The following SLC7A13 variants were observed in gnomAD, a reference collection of about 807,000 sequenced individuals.
SLC7A13 encodes X-amino acid transporter 2.
SLC7A13 carries 31 observed loss-of-function variants against 32.0 expected under a neutral mutation model. The ratio of observed to expected loss-of-function variants is 0.97; its 90% CI spans 0.73 to 1.31. The LOEUF (loss-of-function observed/expected upper bound fraction) is 1.31, where lower values mean the gene tolerates loss of function less well. SLC7A13 is among the 50% of genes most tolerant of loss of function. The pLI, the probability that SLC7A13 is intolerant of heterozygous loss-of-function variation, is 0.00. For synonymous variants in SLC7A13, 232 were observed against 206.9 expected (o/e 1.12, Z -1.04); for missense variants, 633 against 546.9 (o/e 1.16, Z -1.57).
chr8:86,219,393 G>A (rs960672536), intron 2 of SLC7A13, among the ~76,000 whole-genome samples: 10 of 152,070 alleles, frequency 6.6e-5, no homozygotes, highest in Non-Finnish European at 1.3e-4. Flanking sequence ...ATGCCACAAG[G>A]GATGTTTTTT....
At chr8:86,226,683 A>AT (rs1260790410) in intron 1 of SLC7A13, among the ~76,000 whole-genome samples, 2 of 151,978 alleles carry the variant, frequency 1.3e-5, no homozygotes, top group Non-Finnish European at 2.9e-5. Context: ...AATCCTATGT[A>AT]TTTTGTCCTT....
chr8:86,219,649 G>T (rs1261370375), intron 2 of SLC7A13, among the ~76,000 whole-genome samples: 1 of 152,124 alleles, frequency 6.6e-6, no homozygotes, highest in African/African-American at 2.4e-5. Flanking sequence ...GCATGTATTT[G>T]TATGCTCACT....
In SLC7A13 at chr8:86,214,493, T is replaced by C. The variant is rs781490293; in HGVS notation, c.1333A>G (p.Arg445Gly). Reference sequence around the variant, plus strand: ...GTCATCTTCTCAAACCAAGCCAATCTTATTTTAAAATGTATTAAAGGTATG... The same window carrying C: ...GTCATCTTCTCAAACCAAGCCAATCCTATTTTAAAATGTATTAAAGGTATG... ...FYIPLIHFKIRLAWFEKMTCY... is the reference protein window; with the variant it reads ...FYIPLIHFKIGLAWFEKMTCY... Residue 445 changes from arginine (R) to glycine (G), a missense_variant, in exon 4 of 4, where the codon AGA becomes GGA. Arg to Gly is a moderately radical substitution (Grantham distance 125). Transcript: ENST00000297524. 3 of 1,612,584 alleles carry C rather than the reference T, an allele frequency of 1.9e-6. No individual in the cohort carries two copies. Among genetic ancestry groups the C allele is most frequent in the Non-Finnish European group, 1.7e-6 (2 of 1,179,220 alleles).
Position 86,229,781 on chromosome 8 carries a change from A to G in SLC7A13, c.497T>C (p.Leu166Pro). The change falls in exon 1 of 4, where the codon CTG (leucine) becomes CCG (proline). Residue 166 changes from leucine (L) to proline (P), a missense_variant. Transcript: ENST00000297524. Reference sequence around the variant, plus strand: ...AATGAAGCTAAGTATGGACACTTTCAGCACTGAGCTAGCTATCTGAAGCCA... The same window carrying G: ...AATGAAGCTAAGTATGGACACTTTCGGCACTGAGCTAGCTATCTGAAGCCA... ...VTWLQIASSV[L>P]KVSILSFISL... The G allele has an allele frequency of 1.2e-6, 2 of 1,614,244 alleles. No individual in the cohort carries two copies. The highest frequency in any genetic ancestry group is 1.7e-6 in the Non-Finnish European group (2 of 1,180,036).
rs549857008 is a variant in SLC7A13 at position 86,221,866 on chromosome 8, A to G, written c.817+1106T>C. Among the ~76,000 whole-genome samples the G allele has an allele frequency of 1.6e-4, 24 of 152,294 alleles. No homozygotes were observed. The South Asian group carries it at 4.6e-3, about 29-fold the overall frequency. ...GTAGTCATAACAGACGCCAGCTTCA[A>G]TGAACCGTAACAATGGTGCTAGCTG... On this transcript the variant is annotated intron_variant, in intron 2 of 3. Transcript: ENST00000297524.
At position 86,230,104 on chromosome 8, in the gene SLC7A13, T is replaced by G; in HGVS notation, c.174A>C (p.Ile58=). The G allele has an allele frequency of 6.2e-7, 1 of 1,614,134 alleles. No homozygotes were observed. Among genetic ancestry groups the G allele is most frequent in the Non-Finnish European group, 8.5e-7 (1 of 1,180,020 alleles). The part of the protein sequence containing the change: ...VSLCVWAGCA[I]LAMTSTLCSA... ...AGCAAAGAGTTGATGTCATGGCCAGTATGGCACAGCCAGCCCAAACGCACA... is the reference window on the plus strand; with the variant it reads ...AGCAAAGAGTTGATGTCATGGCCAGGATGGCACAGCCAGCCCAAACGCACA... The change falls in exon 1 of 4, where the codon ATA becomes ATC. Residue 58 remains isoleucine, a synonymous_variant. Coordinates refer to ENST00000297524, the MANE Select transcript of SLC7A13 (RefSeq NM_138817.3).
In SLC7A13 at chr8:86,214,660, A is replaced by G; in HGVS notation, c.1180-14T>C. 1.3e-5 allele frequency: 21 copies of G among 1,581,586 alleles called. No individual in the cohort carries two copies. Among genetic ancestry groups the G allele is most frequent in the Non-Finnish European group, 1.8e-5 (21 of 1,160,790 alleles). ...TGACAAAAACACCTGAAAAGAGCAA[A>G]GTTTGAAAAAATATTGGATATGAAC... On this transcript the variant is annotated splice_polypyrimidine_tract_variant and intron_variant, in intron 3 of 3. Coordinates refer to ENST00000297524, the MANE Select transcript of SLC7A13 (RefSeq NM_138817.3).
At chr8:86,222,570 C>T (rs1820314708) in intron 2 of SLC7A13, among the ~76,000 whole-genome samples, 1 of 151,926 alleles carries the variant, frequency 6.6e-6, no homozygotes, top group Non-Finnish European at 1.5e-5. Flanking sequence ...TTTTAACTGC[C>T]AATATTCTAC....
intron 3 of SLC7A13, 123 bp from the exon 4 acceptor site, chr8:86,214,769 A>G (rs753364147): frequency 2.9e-6 from 2 of 700,126 alleles, no homozygotes; most frequent in Non-Finnish European, 4.7e-6. Flanking sequence ...AATTAGCTGT[A>G]AAGTTGAATA....
At position 86,229,934 on chromosome 8, in the gene SLC7A13, A is replaced by T. The variant is rs778463673; in HGVS notation, c.344T>A (p.Leu115His). ...AAAAGGCTGGATGCTGTACTCAGCAAGGAGCAGAGCTTGGCCAGCAACTAC... is the reference window on the plus strand; with the variant it reads ...AAAAGGCTGGATGCTGTACTCAGCATGGAGCAGAGCTTGGCCAGCAACTAC... ...SGVVAGQALL[L>H]AEYSIQPFFP... Residue 115 changes from leucine to histidine, a missense_variant, in exon 1 of 4, where the codon CTT becomes CAT. Physicochemically the swap from Leu to His is moderately conservative, Grantham distance 99. Coordinates refer to ENST00000297524, the MANE Select transcript of SLC7A13 (RefSeq NM_138817.3). 4.3e-6 allele frequency: 7 copies of T among 1,614,212 alleles called. No homozygotes were observed. Among genetic ancestry groups the T allele is most frequent in the Admixed American group, 1.7e-5 (1 of 60,012 alleles).
chr8:86,221,229 T>C (rs1301146015), intron 2 of SLC7A13, among the ~76,000 whole-genome samples: 5 of 152,090 alleles, frequency 3.3e-5, no homozygotes, highest in Admixed American at 3.3e-4. Context: ...CAAGTATCCA[T>C]CAACAATATC....
intron 2 of SLC7A13, among the ~76,000 whole-genome samples, chr8:86,221,369 C>G (rs1231567822): frequency 3.3e-5 from 5 of 151,958 alleles, no homozygotes; most frequent in Non-Finnish European, 5.9e-5. Flanking sequence ...ATTACTATAC[C>G]TATACATACA....
intron 1 of SLC7A13, among the ~76,000 whole-genome samples, chr8:86,224,425 T>G (rs542339965): frequency 6.6e-6 from 1 of 152,302 alleles, no homozygotes; most frequent in South Asian, 2.1e-4. Flanking sequence ...TATACATTTC[T>G]CATACTGTAT....
chr8:86,214,751 AC>A (rs1820149068), intron 3 of SLC7A13, 105 bp from the exon 4 acceptor site: 2 of 831,756 alleles, frequency 2.4e-6, no homozygotes, highest in Non-Finnish European at 3.7e-6. Context: ...ATTAAAGAAA[AC>A]AGGCTAAATT....
chr8:86,229,725 C>G lies in SLC7A13; in HGVS notation c.553G>C (p.Gly185Arg), dbSNP rs1563592924. 2 of 1,614,048 alleles carry G rather than the reference C, an allele frequency of 1.2e-6. No homozygotes were observed. Among genetic ancestry groups the G allele is most frequent in the Non-Finnish European group, 1.7e-6 (2 of 1,180,036 alleles). ...AATCGTTCTACATTCTCCTTTTTCC[C>G]TCTTATCAGGAACACTACTCCAGTT... is the stretch of plus-strand genomic sequence containing the variant. ...SLTGVVFLIR[G>R]KKENVERFQN... The change falls in exon 1 of 4, where the codon GGG (glycine) becomes CGG (arginine). Residue 185 changes from glycine to arginine, a missense_variant. Transcript: ENST00000297524.
At position 86,214,252 on chromosome 8, in the gene SLC7A13, T is replaced by C. The variant is rs879095211; in HGVS notation, c.*161A>G. On this transcript the variant is annotated 3_prime_UTR_variant, in exon 4 of 4. Transcript: ENST00000297524. ...TCTTAGTGACTCTGAAGCCAGGTAC[T>C]GTCTTAGGCACTTTTGTATACATTA... 2 of 526,062 alleles carry C rather than the reference T, an allele frequency of 3.8e-6. No homozygotes were observed. The highest frequency in any genetic ancestry group is 3.2e-5 in the South Asian group (1 of 31,398). The allele number at this position is 526,062 out of a possible 1,614,324, so 32.6% of individuals were successfully genotyped here.
intron 1 of SLC7A13, among the ~76,000 whole-genome samples, chr8:86,224,469 T>A (rs1820355588): frequency 6.6e-6 from 1 of 152,220 alleles, no homozygotes; most frequent in African/African-American, 2.4e-5. Context: ...TCATAAATTA[T>A]CTCTTCCTGT....
In SLC7A13 at chr8:86,229,593, C is replaced by A; in HGVS notation, c.685G>T (p.Gly229Trp). ...ATTTTTTTCCTCAATGGATTGTTAC[C>A]TGCTATAAGTGTAAAGCATGCCCCG... is the stretch of plus-strand genomic sequence containing the variant. Reference protein sequence around the residue: ...SGGACFTLIAGELKKPRTTIP... With the variant: ...SGGACFTLIAWELKKPRTTIP... Residue 229 changes from glycine to tryptophan, a missense_variant and splice_region_variant, in exon 1 of 4, where the codon GGG (glycine) becomes TGG (tryptophan). Transcript: ENST00000297524. 6.2e-7 allele frequency: 1 copy of A among 1,606,422 alleles called. No homozygotes were observed. The highest frequency in any genetic ancestry group is 8.5e-7 in the Non-Finnish European group (1 of 1,175,916).
At chr8:86,225,001 A>G (rs1053067642) in intron 1 of SLC7A13, among the ~76,000 whole-genome samples, 1 of 152,052 alleles carries the variant, frequency 6.6e-6, no homozygotes, top group African/African-American at 2.4e-5. Context: ...AGTGCAGATT[A>G]AAAACGTGAG....
Sources: gnomAD v4.1 joint callset for allele counts (sites outside exome capture counted in the v4.1 genomes callset) on GRCh38, gnomAD v4.1.1 for gene constraint, MANE v1.5 for transcripts, NCBI Gene and HGNC (gene_info 2026-07-23, HGNC 2026-07-21) for gene names.